EIF4G3: variants seen among roughly 807,000 people sequenced by gnomAD.
EIF4G3 encodes the protein eukaryotic translation initiation factor 4 gamma 3.
A neutral mutation model predicts 186.4 loss-of-function variants in EIF4G3; 34 were observed. The ratio of observed to expected loss-of-function variants is 0.18; its 90% CI spans 0.14 to 0.24. EIF4G3 has a LOEUF of 0.24. EIF4G3 is among the 10% of genes least tolerant of loss of function. EIF4G3 has a pLI of 1.00. For synonymous variants in EIF4G3, 673 were observed against 679.5 expected (o/e 0.99, Z 0.15); for missense variants, 1,536 against 1,948.5 (o/e 0.79, Z 3.99).
intron 2 of EIF4G3, among the ~76,000 whole-genome samples, chr1:21,167,513 C>T (rs1043689129): frequency 6.6e-5 from 10 of 152,210 alleles, no homozygotes; most frequent in East Asian, 1.9e-4. Context: ...CAGTGGCTCA[C>T]GTCTGTAATC....
chr1:21,154,641 A>G (rs933909510), intron 2 of EIF4G3, among the ~76,000 whole-genome samples: 3 of 152,224 alleles, frequency 2.0e-5, no homozygotes, highest in African/African-American at 7.2e-5. Context: ...TCATCTGAGC[A>G]TTATACCCTG....
At chr1:21,008,806 T>C (rs2086091145) in intron 4 of EIF4G3, among the ~76,000 whole-genome samples, 1 of 152,212 alleles carries the variant, frequency 6.6e-6, no homozygotes, top group African/African-American at 2.4e-5. Context: ...ATCCCACATA[T>C]ATGCAGAATG....
chr1:20,973,245 T>C, intron 10 of EIF4G3, 146 bp from the exon 11 acceptor site: 1 of 604,228 alleles, frequency 1.7e-6, no homozygotes, highest in Non-Finnish European at 2.8e-6. Context: ...TTCCACTAGC[T>C]CTCCTCCAGT....
intron 2 of EIF4G3, among the ~76,000 whole-genome samples, chr1:21,171,171 TG>T (rs910144117): frequency 1.3e-5 from 2 of 152,210 alleles, no homozygotes; most frequent in African/African-American, 4.8e-5. Flanking sequence ...ATCTCATCCG[TG>T]TAAGTCTCAG....
At chr1:21,144,087 C>T (rs967960613) in intron 2 of EIF4G3, among the ~76,000 whole-genome samples, 4 of 152,022 alleles carry the variant, frequency 2.6e-5, no homozygotes, top group African/African-American at 9.7e-5. Context: ...ATGTTTTTTG[C>T]CCCCTTGGCT....
At chr1:21,054,546 A>T (rs1553181491) in intron 3 of EIF4G3, among the ~76,000 whole-genome samples, 1 of 152,230 alleles carries the variant, frequency 6.6e-6, no homozygotes, top group Non-Finnish European at 1.5e-5. Context: ...TGGTGCGTTA[A>T]AAATAATAAC....
chr1:20,824,559 T>C (rs2063148576), intron 33 of EIF4G3, among the ~76,000 whole-genome samples: 1 of 152,228 alleles, frequency 6.6e-6, no homozygotes, highest in African/African-American at 2.4e-5. Context: ...AATCCTCCTA[T>C]AGGACCAGAT....
chr1:20,811,696 G>A (rs1373670549), intron 35 of EIF4G3, among the ~76,000 whole-genome samples: 1 of 152,170 alleles, frequency 6.6e-6, no homozygotes, highest in Admixed American at 6.5e-5. Context: ...AAAAAGGTAA[G>A]TGAGGTGATA....
chr1:21,054,986 T>C (rs1412656257), intron 3 of EIF4G3, among the ~76,000 whole-genome samples: 1 of 152,210 alleles, frequency 6.6e-6, no homozygotes, highest in Non-Finnish European at 1.5e-5. Flanking sequence ...TGGGAAAATT[T>C]TGTTTCCAAT....
intron 4 of EIF4G3, among the ~76,000 whole-genome samples, chr1:21,026,891 C>A (rs2092181654): frequency 6.8e-6 from 1 of 147,960 alleles, no homozygotes; most frequent in South Asian, 2.2e-4. Flanking sequence ...GAGCTGAGAT[C>A]GCACCACTGC....
intron 4 of EIF4G3, among the ~76,000 whole-genome samples, chr1:21,038,316 A>C (rs111377997): frequency 1.1e-3 from 160 of 152,324 alleles, no homozygotes; most frequent in African/African-American, 3.8e-3. Context: ...CAGTGTACTG[A>C]TAAAGAGATG....
chr1:21,135,063 C>T (rs901612311), intron 2 of EIF4G3, among the ~76,000 whole-genome samples: 1 of 152,136 alleles, frequency 6.6e-6, no homozygotes, highest in East Asian at 1.9e-4. Flanking sequence ...AGAAATACGT[C>T]CCACCACATA....
intron 3 of EIF4G3, among the ~76,000 whole-genome samples, chr1:21,068,396 A>AAC (rs2095336458): frequency 6.7e-6 from 1 of 148,708 alleles, no homozygotes. Context: ...AAAAAAAAAA[A>AAC]AAAACAGAAT....
chr1:20,807,755 G>GTTTTTTTT (rs67864326), intron 36 of EIF4G3, among the ~76,000 whole-genome samples: 1 of 63,868 alleles, frequency 1.6e-5, no homozygotes, highest in Non-Finnish European at 2.7e-5. Context: ...CTTTTTTTCT[G>GTTTTTTTT]TTTTTTTTTT....
intron 15 of EIF4G3, among the ~76,000 whole-genome samples, chr1:20,904,492 T>A (rs551275386): frequency 6.6e-6 from 1 of 152,216 alleles, no homozygotes; most frequent in East Asian, 1.9e-4. Context: ...ACCACAGGTA[T>A]GCGCCACCAT....
intron 3 of EIF4G3, among the ~76,000 whole-genome samples, chr1:21,051,374 A>G (rs2094203790): frequency 6.6e-6 from 1 of 152,204 alleles, no homozygotes; most frequent in South Asian, 2.1e-4. Context: ...AGGAACAAGG[A>G]GATTTTTGAG....
chr1:21,026,054 C>G (rs1223371858), intron 4 of EIF4G3, among the ~76,000 whole-genome samples: 1 of 152,194 alleles, frequency 6.6e-6, no homozygotes, highest in Non-Finnish European at 1.5e-5. Context: ...AACTCCCCAT[C>G]CTGATATTCA....
chr1:21,072,849 T>TA (rs2095483750), intron 3 of EIF4G3, among the ~76,000 whole-genome samples: 1 of 152,236 alleles, frequency 6.6e-6, no homozygotes, highest in African/African-American at 2.4e-5. Flanking sequence ...ATAGAATACT[T>TA]ACTGATGGTG....
intron 3 of EIF4G3, among the ~76,000 whole-genome samples, chr1:21,051,651 A>G (rs1435248869): frequency 6.6e-6 from 1 of 152,196 alleles, no homozygotes; most frequent in African/African-American, 2.4e-5. Context: ...CAGAAGTTTC[A>G]GACCAGCCTG....
Sources: gnomAD v4.1 joint callset for allele counts (sites outside exome capture counted in the v4.1 genomes callset) on GRCh38, gnomAD v4.1.1 for gene constraint, MANE v1.5 for transcripts, NCBI Gene and HGNC (gene_info 2026-07-23, HGNC 2026-07-21) for gene names.